The following CDH13 variants were observed in gnomAD, a reference collection of about 807,000 sequenced individuals.
CDH13 encodes the protein cadherin 13, also known as cadherin-13.
In CDH13, 24 loss-of-function variants were observed where a neutral mutation model predicts 63.8. That is an observed-to-expected ratio of 0.38 (90% CI 0.27 to 0.53). The LOEUF is 0.53. Among genes scored for constraint, CDH13 ranks in the 20% least tolerant of loss-of-function variants. CDH13 has a pLI of 0.85. For missense variants in CDH13, 1,049 were observed against 903.1 expected (o/e 1.16, Z -2.07); for synonymous variants, 503 against 355.3 (o/e 1.42, Z -4.67).
At chr16:83,277,385 C>A (rs191789896) in intron 5 of CDH13, among the ~76,000 whole-genome samples, 1 of 152,282 alleles carries the variant, frequency 6.6e-6, no homozygotes, top group East Asian at 1.9e-4. Context: ...TACTCCGAAC[C>A]TACTGAATAA....
chr16:83,108,631 TCATC>T (rs1190431280), intron 3 of CDH13, among the ~76,000 whole-genome samples: 1 of 152,126 alleles, frequency 6.6e-6, no homozygotes, highest in Non-Finnish European at 1.5e-5. Context: ...AGGGTGGGCT[TCATC>T]CAGGACCAGC....
At chr16:83,429,868 A>G (rs776637890) in intron 6 of CDH13, among the ~76,000 whole-genome samples, 18 of 152,232 alleles carry the variant, frequency 1.2e-4, no homozygotes, top group Non-Finnish European at 2.9e-5. Context: ...TCTGGAGCTT[A>G]TTCAGCTTGC....
rs905246952 is a variant in CDH13, at chr16:83,799,407, T to C, written c.*4377T>C. Reference sequence around the variant, plus strand: ...GAGAAAACTGAGGGAGAAAGTGGGGTGGGGTCTCAAAGGGTTTGCACTGTG... The same window carrying C: ...GAGAAAACTGAGGGAGAAAGTGGGGCGGGGTCTCAAAGGGTTTGCACTGTG... On this transcript the variant is annotated 3_prime_UTR_variant, in exon 14 of 14. Coordinates refer to ENST00000567109, the MANE Select transcript of CDH13 (RefSeq NM_001257.5). 1.3e-5 allele frequency: 2 copies of C among 149,348 alleles called. No homozygotes were observed. The highest frequency in any genetic ancestry group is 3.0e-5 in the Non-Finnish European group (2 of 67,448). 9.3% of individuals were successfully genotyped at this position (149,348 alleles called of 1,614,324 possible).
chr16:82,754,054 T>A (rs144732397), intron 1 of CDH13, among the ~76,000 whole-genome samples: 1 of 152,300 alleles, frequency 6.6e-6, no homozygotes, highest in Admixed American at 6.5e-5. Context: ...GAATGAAAAG[T>A]ACAAAGGTAC....
chr16:83,242,525 T>A (rs940003953), intron 5 of CDH13, among the ~76,000 whole-genome samples: 1 of 152,196 alleles, frequency 6.6e-6, no homozygotes. Flanking sequence ...GTGGAATGGC[T>A]GTCAGAATGG....
At chr16:82,858,595 T>G in intron 2 of CDH13, 122 bp downstream of exon 2, 1 of 765,938 alleles carries the variant, frequency 1.3e-6, no homozygotes, top group South Asian at 1.5e-5. Flanking sequence ...ATTTTTCTTA[T>G]GTCACTGCTT....
intron 1 of CDH13, among the ~76,000 whole-genome samples, chr16:82,712,748 A>G (rs1164818101): frequency 6.6e-6 from 1 of 152,156 alleles, no homozygotes; most frequent in Non-Finnish European, 1.5e-5. Context: ...GACTGTTCGC[A>G]TAGCCTTTCC....
intron 4 of CDH13, among the ~76,000 whole-genome samples, chr16:83,185,250 C>T (rs779579295): frequency 5.3e-5 from 8 of 152,024 alleles, no homozygotes; most frequent in Non-Finnish European, 1.0e-4. Context: ...TTGAAGTATA[C>T]GCTATGGGGC....
At chr16:82,866,417 C>G (rs1224024386) in intron 2 of CDH13, among the ~76,000 whole-genome samples, 2 of 90,812 alleles carry the variant, frequency 2.2e-5, no homozygotes, top group African/African-American at 8.8e-5. Flanking sequence ...GAGATGGAGT[C>G]TCACTTTGTC....
chr16:83,105,151 G>T (rs1597344929), intron 3 of CDH13, among the ~76,000 whole-genome samples: 1 of 152,170 alleles, frequency 6.6e-6, no homozygotes, highest in South Asian at 2.1e-4. Context: ...ATTTTAAGAG[G>T]AGGATCGATT....
chr16:83,104,522 C>A (rs2034667286), intron 3 of CDH13, among the ~76,000 whole-genome samples: 1 of 151,842 alleles, frequency 6.6e-6, no homozygotes, highest in African/African-American at 2.4e-5. Context: ...GTTAAGGCAA[C>A]CCTAGTGTTT....
At chr16:83,062,886 T>C (rs2031681038) in intron 3 of CDH13, among the ~76,000 whole-genome samples, 1 of 152,048 alleles carries the variant, frequency 6.6e-6, no homozygotes, top group Non-Finnish European at 1.5e-5. Context: ...TGGTGATTCT[T>C]TGCATGCACC....
At chr16:83,247,998 G>T (rs1039976542) in intron 5 of CDH13, among the ~76,000 whole-genome samples, 2 of 152,208 alleles carry the variant, frequency 1.3e-5, no homozygotes, top group Non-Finnish European at 2.9e-5. Context: ...CTGTTGAGTG[G>T]AAAGAGTAGA....
At chr16:82,869,508 A>T (rs868017611) in intron 2 of CDH13, among the ~76,000 whole-genome samples, 1 of 152,204 alleles carries the variant, frequency 6.6e-6, no homozygotes, top group Non-Finnish European at 1.5e-5. Flanking sequence ...AGAACCCCAA[A>T]AGACCCAGAA....
intron 11 of CDH13, among the ~76,000 whole-genome samples, chr16:83,769,351 A>G (rs1421146004): frequency 6.6e-6 from 1 of 152,178 alleles, no homozygotes; most frequent in Non-Finnish European, 1.5e-5. Flanking sequence ...GGGGAAGCAA[A>G]TGTCAGGATC....
At chr16:83,190,251 G>C (rs1306708807) in intron 4 of CDH13, among the ~76,000 whole-genome samples, 1 of 152,224 alleles carries the variant, frequency 6.6e-6, no homozygotes, top group African/African-American at 2.4e-5. Context: ...ATGAGTGGAA[G>C]TGGGGGAATG....
intron 6 of CDH13, among the ~76,000 whole-genome samples, chr16:83,418,205 C>A (rs936928766): frequency 6.6e-6 from 1 of 152,106 alleles, no homozygotes; most frequent in Non-Finnish European, 1.5e-5. Context: ...AAATGGAGGG[C>A]GGTCTCACCT....
chr16:83,157,742 A>T (rs1220179506), intron 4 of CDH13, among the ~76,000 whole-genome samples: 1,052 of 77,400 alleles, frequency 0.014, 19 homozygotes, highest in African/African-American at 0.072. Context: ...GAAATATAAA[A>T]AAAAAAAAAA....
At chr16:83,229,596 G>A (rs2039946273) in intron 5 of CDH13, among the ~76,000 whole-genome samples, 1 of 151,892 alleles carries the variant, frequency 6.6e-6, no homozygotes, top group South Asian at 2.1e-4. Flanking sequence ...ATTGGTATCT[G>A]TTTTAAGATC....
Sources: gnomAD v4.1 joint callset for allele counts (sites outside exome capture counted in the v4.1 genomes callset) on GRCh38, gnomAD v4.1.1 for gene constraint, MANE v1.5 for transcripts, NCBI Gene and HGNC (gene_info 2026-07-23, HGNC 2026-07-21) for gene names.